Variants in ERI3 observed in about 807,000 individuals in gnomAD.
ERI3 encodes ERI1 exoribonuclease family member 3.
A neutral mutation model predicts 44.4 loss-of-function variants in ERI3; 18 were observed. That is an observed-to-expected ratio of 0.41 (90% CI 0.28 to 0.60). ERI3 has a LOEUF of 0.60. Among genes scored for constraint, ERI3 ranks in the 20% least tolerant of loss-of-function variants. ERI3 has a pLI of 0.36. For missense variants in ERI3, 294 were observed against 435.5 expected (o/e 0.68, Z 2.89); for synonymous variants, 183 against 164.8 (o/e 1.11, Z -0.84).
At chr1:44,316,284 T>C (rs1319361389) in intron 4 of ERI3, among the ~76,000 whole-genome samples, 6 of 152,210 alleles carry the variant, frequency 3.9e-5, no homozygotes, top group Non-Finnish European at 7.3e-5. Context: ...CTCAGAGACC[T>C]TAGCCACTTA....
Position 44,339,340 on chromosome 1 carries a change from TAAAA to T in ERI3, c.212-22_212-19del. 3.0e-5 allele frequency: 29 copies of T among 975,212 alleles called. No homozygotes were observed. The highest frequency in any genetic ancestry group is 7.1e-5 in the South Asian group (2 of 28,036). The allele number at this position is 975,212 out of a possible 1,614,324, so 60.4% of individuals were successfully genotyped here. A position where few individuals can be genotyped will look rare whatever the true frequency, so the allele number is the denominator to read the frequency against. Reference sequence around the variant, plus strand: ...ATCTAAAACTTAGGGGAGGAAAGTTTAAAAAAAAAAAAAAAAAAGAAAAGAAAGA... The same window carrying T: ...ATCTAAAACTTAGGGGAGGAAAGTTTAAAAAAAAAAAAAAGAAAAGAAAGA... On this transcript the variant is annotated intron_variant, in intron 2 of 8. Coordinates refer to ENST00000372257, the MANE Select transcript of ERI3 (RefSeq NM_024066.3).
intron 7 of ERI3, among the ~76,000 whole-genome samples, chr1:44,283,638 G>T (rs1437854131): frequency 2.6e-5 from 4 of 152,190 alleles, no homozygotes; most frequent in African/African-American, 9.7e-5. Context: ...AGGAGAGGGG[G>T]TATGAGTCAA....
chr1:44,275,320 C>T (rs1645160910), intron 7 of ERI3, among the ~76,000 whole-genome samples: 1 of 152,194 alleles, frequency 6.6e-6, no homozygotes, highest in African/African-American at 2.4e-5. Flanking sequence ...TGGATCCCCT[C>T]ACTCCTGATG....
intron 2 of ERI3, among the ~76,000 whole-genome samples, chr1:44,342,248 G>A (rs1484032262): frequency 1.3e-5 from 2 of 152,196 alleles, no homozygotes; most frequent in East Asian, 1.9e-4. Context: ...AGGGGGATGT[G>A]GAGAGCATCC....
chr1:44,344,872 A>T (rs2154331879), intron 2 of ERI3, among the ~76,000 whole-genome samples: 1 of 152,318 alleles, frequency 6.6e-6, no homozygotes, highest in South Asian at 2.1e-4. Flanking sequence ...TGAAGGGCCC[A>T]GGTCCCCAGT....
chr1:44,310,961 G>GCACACA (rs1393608614), intron 5 of ERI3, among the ~76,000 whole-genome samples: 2 of 84,668 alleles, frequency 2.4e-5, no homozygotes, highest in Admixed American at 1.5e-4. Context: ...TCGCGCGCGC[G>GCACACA]CGCACACACA....
chr1:44,334,090 G>A (rs1369054804), intron 3 of ERI3, among the ~76,000 whole-genome samples: 2 of 152,362 alleles, frequency 1.3e-5, no homozygotes, highest in Non-Finnish European at 2.9e-5. Context: ...GCAGGAGCCT[G>A]ACGGATGGCC....
At position 44,355,132 on chromosome 1, in the gene ERI3, C is replaced by G; in HGVS notation, c.-106G>C. On this transcript the variant is annotated 5_prime_UTR_variant, in exon 1 of 9. Coordinates refer to ENST00000372257, the MANE Select transcript of ERI3 (RefSeq NM_024066.3). ...GCTCAGGGCAGTTGGCGGCGGCGGG[C>G]GCGGCCCGCGCCGACTGCGGCGCCG... is the stretch of plus-strand genomic sequence containing the variant. The G allele has an allele frequency of 8.1e-7, 1 of 1,229,970 alleles. No homozygotes were observed. Among genetic ancestry groups the G allele is most frequent in the Non-Finnish European group, 1.0e-6 (1 of 981,726 alleles). 76.2% of individuals were successfully genotyped at this position (1,229,970 alleles called of 1,614,324 possible). A position where few individuals can be genotyped will look rare whatever the true frequency, so the allele number is the denominator to read the frequency against.
chr1:44,352,796 C>T, intron 2 of ERI3, 54 bp downstream of exon 2: 2 of 1,607,062 alleles, frequency 1.2e-6, no homozygotes, highest in Non-Finnish European at 1.7e-6. Flanking sequence ...CCCTCCAAGC[C>T]CAAATACTCA....
intron 3 of ERI3, among the ~76,000 whole-genome samples, chr1:44,337,026 A>C (rs1646548861): frequency 6.6e-6 from 1 of 152,250 alleles, no homozygotes; most frequent in African/African-American, 2.4e-5. Flanking sequence ...TAAATAAATA[A>C]GTAAAAATAA....
At chr1:44,295,615 G>A (rs940267111) in intron 6 of ERI3, among the ~76,000 whole-genome samples, 8 of 152,166 alleles carry the variant, frequency 5.3e-5, no homozygotes, top group Admixed American at 2.6e-4. Context: ...AGCTGCAGTG[G>A]AGGGTAACTG....
rs774550700 is a variant in ERI3, at chr1:44,349,995, A to G, written c.211+2855T>C. Among the ~76,000 whole-genome samples the G allele has an allele frequency of 3.9e-4, 60 of 152,352 alleles. No homozygotes were observed. The Middle Eastern group carries it at 0.014, about 35-fold the overall frequency. Reference sequence around the variant, plus strand: ...TTTATTTGGTCCCTGTCCTTGACATATACCATCATACCTGAACTAGGAGAC... The same window carrying G: ...TTTATTTGGTCCCTGTCCTTGACATGTACCATCATACCTGAACTAGGAGAC... On this transcript the variant is annotated intron_variant, in intron 2 of 8. Transcript: ENST00000372257.
In ERI3 at chr1:44,355,160, C is replaced by T. The variant is rs1350592156; in HGVS notation, c.-134G>A. 1.6e-6 allele frequency: 2 copies of T among 1,216,590 alleles called. No homozygotes were observed. The highest frequency in any genetic ancestry group is 4.2e-5 in the South Asian group (1 of 23,560). 75.4% of individuals were successfully genotyped at this position (1,216,590 alleles called of 1,614,324 possible). Reference sequence around the variant, plus strand: ...GGCCCGCGCCGACTGCGGCGCCGGCCAGGCAGAGGCAGGGCCAGCTCCGCC... The same window carrying T: ...GGCCCGCGCCGACTGCGGCGCCGGCTAGGCAGAGGCAGGGCCAGCTCCGCC... On this transcript the variant is annotated 5_prime_UTR_variant, in exon 1 of 9. Coordinates refer to ENST00000372257, the MANE Select transcript of ERI3 (RefSeq NM_024066.3).
chr1:44,229,243 G>A (rs1644120541), intron 8 of ERI3, among the ~76,000 whole-genome samples: 1 of 152,194 alleles, frequency 6.6e-6, no homozygotes, highest in South Asian at 2.1e-4. Flanking sequence ...AGTGGCTGGT[G>A]GCTCCAGGCC....
chr1:44,296,710 G>C (rs1482167571), intron 6 of ERI3, among the ~76,000 whole-genome samples: 11 of 152,254 alleles, frequency 7.2e-5, no homozygotes. Flanking sequence ...AAAACTCCTG[G>C]CTCTCATCAC....
chr1:44,238,089 TC>T (rs1461038649), intron 8 of ERI3, among the ~76,000 whole-genome samples: 1 of 152,132 alleles, frequency 6.6e-6, no homozygotes, highest in Admixed American at 6.5e-5. Context: ...GGAGGCAGCC[TC>T]GATAACTCGC....
chr1:44,225,866 T>TCA (rs552100635), intron 8 of ERI3, among the ~76,000 whole-genome samples: 5 of 152,292 alleles, frequency 3.3e-5, no homozygotes, highest in Non-Finnish European at 7.4e-5. Context: ...ATTCATATAC[T>TCA]CATTCATTCA....
At chr1:44,319,554 G>A (rs1346998830) in intron 4 of ERI3, 74 bp downstream of exon 4, 3 of 935,174 alleles carry the variant, frequency 3.2e-6, no homozygotes, top group Middle Eastern at 3.0e-4. Flanking sequence ...TTCTCTAAGT[G>A]GCCTATATAG....
chr1:44,259,753 G>C (rs191547218), intron 7 of ERI3, among the ~76,000 whole-genome samples: 1 of 148,520 alleles, frequency 6.7e-6, no homozygotes, highest in African/African-American at 2.5e-5. Flanking sequence ...ACGTGCACCT[G>C]TGATCCTAGT....
Sources: allele counts gnomAD v4.1 joint callset (sites outside exome capture counted in the v4.1 genomes callset), GRCh38; gene constraint gnomAD v4.1.1; transcripts MANE v1.5; gene names NCBI Gene and HGNC (gene_info 2026-07-23, HGNC 2026-07-21).